Variants in CCDC171 observed in about 807,000 individuals in gnomAD.
CCDC171 encodes the protein coiled-coil domain-containing protein 171.
Under a neutral mutation model 168.2 loss-of-function variants are expected in CCDC171, and 177 were observed. The ratio of observed to expected loss-of-function variants is 1.05; its 90% CI spans 0.93 to 1.19. The LOEUF (loss-of-function observed/expected upper bound fraction) is 1.19, where lower values mean the gene tolerates loss of function less well. Ranked by LOEUF, CCDC171 falls within the 50% of genes most tolerant of loss-of-function variation. The pLI, the probability that CCDC171 is intolerant of heterozygous loss-of-function variation, is 0.00. For synonymous variants in CCDC171, 687 were observed against 540.8 expected, an observed-to-expected ratio of 1.27 and a Z score of -3.75; for missense variants, 1,991 against 1,539.0, an observed-to-expected ratio of 1.29 and a Z score of -4.91.
At chr9:15,947,744 A>G (rs1413650339) in intron 25 of CCDC171, among the ~76,000 whole-genome samples, 1 of 151,896 alleles carries the variant, frequency 6.6e-6, no homozygotes, top group Admixed American at 6.6e-5. Context: ...TTACTGGATC[A>G]TTTGGTGATT....
At chr9:15,579,106 A>G in intron 4 of CCDC171, 83 bp downstream of exon 4, 1 of 1,056,284 alleles carries the variant, frequency 9.5e-7, no homozygotes, top group Non-Finnish European at 1.4e-6. Flanking sequence ...TACATCCCAT[A>G]CAGGGTCAGA....
chr9:15,997,474 C>A (rs1185336972), intron 3 of CCDC171, among the ~76,000 whole-genome samples: 1 of 152,164 alleles, frequency 6.6e-6, no homozygotes, highest in African/African-American at 2.4e-5. Context: ...GAGTGGACCA[C>A]CTGCTTGGCT....
chr9:15,883,814 T>G (rs1819028854), intron 24 of CCDC171, among the ~76,000 whole-genome samples: 1 of 152,198 alleles, frequency 6.6e-6, no homozygotes, highest in African/African-American at 2.4e-5. Flanking sequence ...CAAGGTAGAT[T>G]TATAAATTCA....
chr9:15,623,966 C>G (rs185958799), intron 7 of CCDC171, among the ~76,000 whole-genome samples: 15 of 152,200 alleles, frequency 9.9e-5, no homozygotes, highest in African/African-American at 3.1e-4. Flanking sequence ...GTTAGTTCAT[C>G]TTTTTAAAAT....
intron 12 of CCDC171, among the ~76,000 whole-genome samples, chr9:15,722,778 C>T (rs1466678855): frequency 2.0e-5 from 3 of 152,082 alleles, no homozygotes; most frequent in Non-Finnish European, 4.4e-5. Context: ...TTTTAATACC[C>T]TCGGTAATTG....
chr9:15,803,782 T>G (rs1030048214), intron 21 of CCDC171, among the ~76,000 whole-genome samples: 2 of 151,994 alleles, frequency 1.3e-5, no homozygotes, highest in Non-Finnish European at 2.9e-5. Flanking sequence ...TTTTAAAATA[T>G]TTTTTTCTTT....
chr9:15,945,028 C>T (rs1828178994), intron 25 of CCDC171, among the ~76,000 whole-genome samples: 1 of 151,838 alleles, frequency 6.6e-6, no homozygotes. Context: ...CTATCCCTCT[C>T]CCCCGCCCAC....
chr9:15,579,854 C>G (rs2040974456), intron 4 of CCDC171, among the ~76,000 whole-genome samples: 1 of 152,014 alleles, frequency 6.6e-6, no homozygotes, highest in South Asian at 2.1e-4. Flanking sequence ...TTATATTTAT[C>G]CATTTATTAT....
intron 11 of CCDC171, among the ~76,000 whole-genome samples, chr9:15,714,771 C>T (rs1024242870): frequency 2.0e-5 from 3 of 152,194 alleles, no homozygotes; most frequent in Non-Finnish European, 4.4e-5. Context: ...AGGACTAATT[C>T]TTCCTTTTTT....
intron 21 of CCDC171, among the ~76,000 whole-genome samples, chr9:15,809,552 C>T (rs2059237653): frequency 6.6e-6 from 1 of 152,096 alleles, no homozygotes; most frequent in Non-Finnish European, 1.5e-5. Context: ...TCGCTGACTT[C>T]AGGAGTGGAG....
chr9:15,928,821 T>C (rs577775164), intron 25 of CCDC171, among the ~76,000 whole-genome samples: 1 of 151,670 alleles, frequency 6.6e-6, no homozygotes, highest in Non-Finnish European at 1.5e-5. Context: ...TTTCCAAACT[T>C]TTAAAGGTTT....
chr9:16,086,073 G>T, the CCDC171 span, among the ~76,000 whole-genome samples: 1 of 152,058 alleles, frequency 6.6e-6, no homozygotes. Context: ...CTGTGAGTCC[G>T]TCTGGTCCTG....
At chr9:15,708,551 A>G (rs972358956) in intron 11 of CCDC171, among the ~76,000 whole-genome samples, 1 of 152,134 alleles carries the variant, frequency 6.6e-6, no homozygotes, top group East Asian at 1.9e-4. Flanking sequence ...TATTCTCCCC[A>G]TCTTTCTTTC....
At chr9:15,841,818 G>T (rs1215655364) in intron 21 of CCDC171, among the ~76,000 whole-genome samples, 1 of 151,688 alleles carries the variant, frequency 6.6e-6, no homozygotes, top group Non-Finnish European at 1.5e-5. Flanking sequence ...CGGCCCTATT[G>T]TAAATTTGGT....
intron 6 of CCDC171, among the ~76,000 whole-genome samples, chr9:15,597,216 C>G (rs1368450284): frequency 6.6e-6 from 1 of 152,072 alleles, no homozygotes; most frequent in South Asian, 2.1e-4. Flanking sequence ...GCATCCCTGT[C>G]TTGTGCCAGT....
the CCDC171 span, among the ~76,000 whole-genome samples, chr9:16,072,967 ATC>A: frequency 2.0e-5 from 3 of 152,250 alleles, no homozygotes; most frequent in South Asian, 6.2e-4. Context: ...AATAAGAGAT[ATC>A]AGGAGACTCA....
At chr9:15,897,686 A>G (rs1021584073) in intron 24 of CCDC171, among the ~76,000 whole-genome samples, 6 of 152,186 alleles carry the variant, frequency 3.9e-5, no homozygotes, top group Non-Finnish European at 2.9e-5. Context: ...TCAGTTAATA[A>G]AGGAGAGAAC....
intron 25 of CCDC171, among the ~76,000 whole-genome samples, chr9:15,936,515 G>A (rs1827138700): frequency 6.6e-6 from 1 of 151,908 alleles, no homozygotes; most frequent in South Asian, 2.1e-4. Context: ...AGAGTTGAGG[G>A]GACTCAGCAG....
chr9:15,906,246 T>G (rs1822582472), intron 24 of CCDC171, among the ~76,000 whole-genome samples: 1 of 152,146 alleles, frequency 6.6e-6, no homozygotes, highest in African/African-American at 2.4e-5. Context: ...ACCAATGTCC[T>G]TGATGAACAT....
Sources: allele counts gnomAD v4.1 joint callset (sites outside exome capture counted in the v4.1 genomes callset), GRCh38; gene constraint gnomAD v4.1.1; transcripts MANE v1.5; gene names NCBI Gene and HGNC (gene_info 2026-07-23, HGNC 2026-07-21).